The following ZDHHC14 variants were observed in gnomAD, a reference collection of about 807,000 sequenced individuals.
ZDHHC14 encodes the protein zDHHC palmitoyltransferase 14, also known as palmitoyltransferase ZDHHC14.
A neutral mutation model predicts 47.7 loss-of-function variants in ZDHHC14; 16 were observed. That is an observed-to-expected ratio of 0.34 (90% CI 0.23 to 0.51). The LOEUF (loss-of-function observed/expected upper bound fraction) is 0.51, where lower values mean the gene tolerates loss of function less well. Ranked by LOEUF, ZDHHC14 falls within the 20% of genes least tolerant of loss-of-function variation. The pLI is 0.97. For missense variants in ZDHHC14, 515 were observed against 662.5 expected (o/e 0.78, Z 2.44); for synonymous variants, 293 against 278.9 (o/e 1.05, Z -0.50).
chr6:157,462,789 A>T (rs915087727), intron 1 of ZDHHC14, among the ~76,000 whole-genome samples: 1 of 152,242 alleles, frequency 6.6e-6, no homozygotes, highest in Non-Finnish European at 1.5e-5. Flanking sequence ...CCAGCCCTGG[A>T]GGGCCTGGCG....
chr6:157,609,647 G>A (rs1784678448), intron 3 of ZDHHC14, among the ~76,000 whole-genome samples: 1 of 152,244 alleles, frequency 6.6e-6, no homozygotes, highest in African/African-American at 2.4e-5. Flanking sequence ...TCTGCTCTGA[G>A]CAGTGAGTGT....
rs571765693 is a variant in ZDHHC14 at position 157,572,880 on chromosome 6, A to G, written c.407-20108A>G. 1.8e-4 allele frequency among the ~76,000 whole-genome samples: 26 copies of G among 147,400 alleles called. No individual in the cohort carries two copies. The Middle Eastern group carries it at 0.014, about 78-fold the overall frequency. The stretch of plus-strand genomic sequence containing the variant: ...GTAGACAGAAAAAGGTTTTCTACTA[A>G]TACTTCCATTGGGCTTTTTCCCCCG... On this transcript the variant is annotated intron_variant, in intron 2 of 8. Transcript: ENST00000359775.
chr6:157,568,319 C>T (rs1056985394), intron 2 of ZDHHC14, among the ~76,000 whole-genome samples: 49 of 152,116 alleles, frequency 3.2e-4, no homozygotes, highest in African/African-American at 1.1e-3. Flanking sequence ...ATTAAAGGTA[C>T]TTAATTAATT....
In ZDHHC14 at chr6:157,381,862, T is replaced by C; in HGVS notation, c.-160T>C. 1 of 469,158 alleles carries C rather than the reference T, an allele frequency of 2.1e-6. No homozygotes were observed. 29.1% of individuals were successfully genotyped at this position (469,158 alleles called of 1,614,324 possible). A position where few individuals can be genotyped will look rare whatever the true frequency, so the allele number is the denominator to read the frequency against. ...GGGCTCCCCGGAGGGTTAACCTGGG[T>C]GTCCTCGGCAAAGTTGTCGCCGAGC... On this transcript the variant is annotated 5_prime_UTR_variant, in exon 1 of 9. Coordinates refer to ENST00000359775, the MANE Select transcript of ZDHHC14 (RefSeq NM_024630.3).
intron 1 of ZDHHC14, among the ~76,000 whole-genome samples, chr6:157,385,735 A>G (rs891694148): frequency 1.3e-5 from 2 of 152,228 alleles, no homozygotes; most frequent in Admixed American, 1.3e-4. Flanking sequence ...TTGCACAGCT[A>G]ATTAGTGGGA....
At position 157,593,149 on chromosome 6, in the gene ZDHHC14, G is replaced by A. The variant is rs763361964; in HGVS notation, c.565+3G>A. The stretch of plus-strand genomic sequence containing the variant: ...CAGCCTTTGTGATAACTGCGTAGGT[G>A]AGTAGTGCCTGGGCGGAGCCTGGCG... On this transcript the variant is annotated splice_donor_region_variant and intron_variant, in intron 3 of 8. Coordinates refer to ENST00000359775, the MANE Select transcript of ZDHHC14 (RefSeq NM_024630.3). 19 of 1,609,410 alleles carry A rather than the reference G, an allele frequency of 1.2e-5. No homozygotes were observed. In the Admixed American group the frequency reaches 3.2e-4, roughly 27 times the overall value.
At chr6:157,467,441 C>T (rs1310880620) in intron 1 of ZDHHC14, among the ~76,000 whole-genome samples, 2 of 152,086 alleles carry the variant, frequency 1.3e-5, no homozygotes, top group Non-Finnish European at 2.9e-5. Flanking sequence ...CCTTTTGTGC[C>T]TGGCTTCTCT....
At chr6:157,500,617 G>C (rs532125783) in intron 1 of ZDHHC14, among the ~76,000 whole-genome samples, 5 of 152,222 alleles carry the variant, frequency 3.3e-5, no homozygotes, top group African/African-American at 1.2e-4. Context: ...ATGAATGTGG[G>C]GTGTGATTAT....
intron 1 of ZDHHC14, among the ~76,000 whole-genome samples, chr6:157,458,849 A>ATTTTTTTGTTTTTTTTTTTTTTTTTT (rs1778992186): frequency 1.2e-5 from 1 of 81,226 alleles, no homozygotes; most frequent in Non-Finnish European, 2.3e-5. Flanking sequence ...ATGTGGGTGG[A>ATTTTTTTGTTTTTTTTTTTTTTTTTT]TTTTTTTTTT....
chr6:157,634,590 C>T (rs1753058266), intron 5 of ZDHHC14, among the ~76,000 whole-genome samples: 1 of 152,244 alleles, frequency 6.6e-6, no homozygotes, highest in African/African-American at 2.4e-5. Context: ...CCGTTTGTGT[C>T]ATGAAAGCAT....
At chr6:157,410,165 G>A (rs1056267457) in intron 1 of ZDHHC14, among the ~76,000 whole-genome samples, 1 of 152,204 alleles carries the variant, frequency 6.6e-6, no homozygotes, top group African/African-American at 2.4e-5. Flanking sequence ...TTCCCAGACT[G>A]TCCTTTCCTT....
At chr6:157,475,497 T>C (rs898326550) in intron 1 of ZDHHC14, among the ~76,000 whole-genome samples, 3 of 152,144 alleles carry the variant, frequency 2.0e-5, no homozygotes, top group African/African-American at 7.2e-5. Context: ...TCCATGAACA[T>C]GGGATATTTT....
Position 157,567,810 on chromosome 6 carries a change from C to CAAA in ZDHHC14, c.406+25079_406+25081dup, listed in dbSNP as rs11431689. ...TGGGTGACAGAGTGAGACCCCATCTCAAAAAAAAAAAAAAAAGTTGGACCA... is the reference window on the plus strand; with the variant it reads ...TGGGTGACAGAGTGAGACCCCATCTCAAAAAAAAAAAAAAAAAAAGTTGGACCA... On this transcript the variant is annotated intron_variant, in intron 2 of 8. Transcript: ENST00000359775. 4.3e-4 allele frequency among the ~76,000 whole-genome samples: 59 copies of CAAA among 136,256 alleles called. 4 individuals are homozygous for CAAA. Among genetic ancestry groups the CAAA allele is most frequent in the African/African-American group, 6.2e-4 (23 of 37,168 alleles). 89.4% of individuals were successfully genotyped at this position (136,256 alleles called of 152,430 possible).
chr6:157,411,032 G>A (rs934116637), intron 1 of ZDHHC14, among the ~76,000 whole-genome samples: 10 of 152,186 alleles, frequency 6.6e-5, no homozygotes, highest in Non-Finnish European at 1.3e-4. Context: ...TCCGTTAGCT[G>A]GAGGAGATGG....
intron 1 of ZDHHC14, among the ~76,000 whole-genome samples, chr6:157,402,250 C>A (rs1000683379): frequency 4.0e-5 from 6 of 151,306 alleles, no homozygotes; most frequent in African/African-American, 1.5e-4. Flanking sequence ...CTGCTGAGGT[C>A]ATAACTGCAG....
intron 3 of ZDHHC14, 109 bp downstream of exon 3, chr6:157,593,255 C>T (rs933125896): frequency 1.4e-5 from 19 of 1,365,000 alleles, no homozygotes; most frequent in African/African-American, 2.9e-5. Flanking sequence ...TATTTCAGCG[C>T]ATTTGCATGT....
chr6:157,673,275 A>G lies in ZDHHC14; in HGVS notation c.*153A>G. 1 of 1,044,624 alleles carries G rather than the reference A, an allele frequency of 9.6e-7. No homozygotes were observed. The highest frequency in any genetic ancestry group is 2.0e-5 in the South Asian group (1 of 50,018). The allele number at this position is 1,044,624 out of a possible 1,614,324, so 64.7% of individuals were successfully genotyped here. A position where few individuals can be genotyped will look rare whatever the true frequency, so the allele number is the denominator to read the frequency against. ...GTACAGAGACCACTTAGGATGGCAC[A>G]GGGTGGCTGGCCCCGGATGCTGAGA... On this transcript the variant is annotated 3_prime_UTR_variant, in exon 9 of 9. Transcript: ENST00000359775. This position sits in a 1 kb window ranked among gnomAD's most constrained non-coding sequence, Gnocchi z 5.4.
intron 3 of ZDHHC14, among the ~76,000 whole-genome samples, chr6:157,612,843 G>GGA (rs202107524): frequency 2.7e-5 from 4 of 147,596 alleles, no homozygotes; most frequent in African/African-American, 1.0e-4. Flanking sequence ...CTCTCTTAGA[G>GGA]AAAAAAAAAA....
At chr6:157,623,987 C>T (rs1298092791) in intron 3 of ZDHHC14, among the ~76,000 whole-genome samples, 4 of 152,216 alleles carry the variant, frequency 2.6e-5, no homozygotes, top group South Asian at 2.1e-4. Context: ...TCCCATCACA[C>T]GTGCCCCTAA....
Sources: allele counts gnomAD v4.1 joint callset (sites outside exome capture counted in the v4.1 genomes callset), GRCh38; gene constraint gnomAD v4.1.1; non-coding constraint Gnocchi (gnomAD v3.1); transcripts MANE v1.5; gene names NCBI Gene and HGNC (gene_info 2026-07-23, HGNC 2026-07-21).